The following ALCAM variants were observed in gnomAD, a reference collection of about 807,000 sequenced individuals.
ALCAM encodes the protein activated leukocyte cell adhesion molecule.
Under a neutral mutation model 70.9 loss-of-function variants are expected in ALCAM, and 30 were observed. The ratio of observed to expected loss-of-function variants is 0.42; its 90% confidence interval spans 0.32 to 0.57. ALCAM has a LOEUF of 0.57. Among genes scored for constraint, ALCAM ranks in the 20% least tolerant of loss-of-function variants. The pLI is 0.11. For synonymous variants in ALCAM, 249 were observed against 242.5 expected (o/e 1.03, Z -0.25); for missense variants, 591 against 695.1 (o/e 0.85, Z 1.68).
At chr3:105,569,298 G>A (rs1021456268) in intron 14 of ALCAM, among the ~76,000 whole-genome samples, 1 of 151,820 alleles carries the variant, frequency 6.6e-6, no homozygotes, top group African/African-American at 2.4e-5. Flanking sequence ...ACTGAGAGAA[G>A]ACAAGGGGAA....
intron 1 of ALCAM, among the ~76,000 whole-genome samples, chr3:105,492,153 T>G (rs1430988188): frequency 6.6e-6 from 1 of 152,064 alleles, no homozygotes; most frequent in Non-Finnish European, 1.5e-5. Context: ...GAATAAGAGC[T>G]GAGAAAAGGG....
rs1447506126 is a variant in ALCAM at position 105,532,157 on chromosome 3, T to C, written c.459+91T>C. On this transcript the variant is annotated intron_variant, in intron 4 of 15. Coordinates refer to ENST00000306107, the MANE Select transcript of ALCAM (RefSeq NM_001627.4). ...CATTCCAAGACAAGTAAGAAAGGCT[T>C]TGCTCTTGTGGAGATGACAGTGTTG... 6 of 1,135,302 alleles carry C rather than the reference T, an allele frequency of 5.3e-6. No homozygotes were observed. The East Asian group carries it at 9.4e-5, about 18-fold the overall frequency. The allele number at this position is 1,135,302 out of a possible 1,614,324, so 70.3% of individuals were successfully genotyped here.
Position 105,533,654 on chromosome 3 carries a change from T to A in ALCAM, c.511T>A (p.Tyr171Asn). The A allele has an allele frequency of 6.2e-7, 1 of 1,612,050 alleles. No individual in the cohort carries two copies. The highest frequency in any genetic ancestry group is 8.5e-7 in the Non-Finnish European group (1 of 1,178,574). ...TTATCCAGATGGCAATATCACATGG[T>A]ACAGGAATGGAAAAGTGCTACATCC... ...DSYPDGNITW[Y>N]RNGKVLHPLE... The change falls in exon 5 of 16, where the codon TAC becomes AAC. Residue 171 changes from tyrosine to asparagine, a missense_variant. By Grantham distance (143) the Tyr-to-Asn change is moderately radical. Coordinates refer to ENST00000306107, the MANE Select transcript of ALCAM (RefSeq NM_001627.4).
chr3:105,513,454 AG>A (rs1448072601), intron 1 of ALCAM: 1 of 113,080 alleles, frequency 8.8e-6, no homozygotes, highest in East Asian at 5.5e-4. Flanking sequence ...GACAATTTTA[AG>A]AGGGGACAAT....
chr3:105,435,043 T>C (rs1390232882), intron 1 of ALCAM, among the ~76,000 whole-genome samples: 1 of 152,212 alleles, frequency 6.6e-6, no homozygotes, highest in Non-Finnish European at 1.5e-5. Flanking sequence ...TAATCAATGA[T>C]ATGGCATCAG....
intron 1 of ALCAM, among the ~76,000 whole-genome samples, chr3:105,476,746 C>A (rs140073488): frequency 5.7e-4 from 87 of 152,132 alleles, no homozygotes; most frequent in Non-Finnish European, 1.1e-3. Flanking sequence ...TTTGTTCTTT[C>A]GTTTAGTCTC....
chr3:105,487,187 G>T (rs1938454736), intron 1 of ALCAM, among the ~76,000 whole-genome samples: 1 of 152,004 alleles, frequency 6.6e-6, no homozygotes, highest in Non-Finnish European at 1.5e-5. Context: ...TCTGGGGTCT[G>T]TTGTCATTTT....
intron 1 of ALCAM, among the ~76,000 whole-genome samples, chr3:105,492,561 A>C (rs1938616147): frequency 6.6e-6 from 1 of 152,354 alleles, no homozygotes; most frequent in African/African-American, 2.4e-5. Flanking sequence ...AGATATCATT[A>C]GTCTGTGCTT....
chr3:105,441,103 A>G (rs1343764094), intron 1 of ALCAM, among the ~76,000 whole-genome samples: 1 of 152,182 alleles, frequency 6.6e-6, no homozygotes, highest in Non-Finnish European at 1.5e-5. Context: ...CTACCCATCA[A>G]TCATAATCAC....
At chr3:105,378,538 A>T (rs1475501843) in intron 1 of ALCAM, among the ~76,000 whole-genome samples, 1 of 139,562 alleles carries the variant, frequency 7.2e-6, no homozygotes, top group East Asian at 2.3e-4. Flanking sequence ...ATCAGATCTA[A>T]GAGTAAAATG....
chr3:105,401,465 A>G (rs1472671380), intron 1 of ALCAM, among the ~76,000 whole-genome samples: 1 of 152,212 alleles, frequency 6.6e-6, no homozygotes, highest in Non-Finnish European at 1.5e-5. Flanking sequence ...TGTATTTTCC[A>G]CTAAGCTCAT....
intron 1 of ALCAM, among the ~76,000 whole-genome samples, chr3:105,394,654 A>AT (rs1385910213): frequency 5.9e-5 from 9 of 151,926 alleles, no homozygotes; most frequent in Non-Finnish European, 1.5e-5. Context: ...TCCTGAAAAT[A>AT]TTTTTTTAAT....
intron 1 of ALCAM, among the ~76,000 whole-genome samples, chr3:105,397,875 T>A (rs557800273): frequency 3.3e-4 from 50 of 152,228 alleles, no homozygotes; most frequent in African/African-American, 1.1e-3. Flanking sequence ...AAATCCACTT[T>A]TTAATAAAAG....
intron 1 of ALCAM, among the ~76,000 whole-genome samples, chr3:105,468,768 T>G (rs1454592502): frequency 6.6e-6 from 1 of 151,358 alleles, no homozygotes; most frequent in Non-Finnish European, 1.5e-5. Flanking sequence ...TGAAGTAGCG[T>G]GTCTATATGC....
chr3:105,571,419 G>T (rs917842618), intron 14 of ALCAM, among the ~76,000 whole-genome samples: 1 of 152,166 alleles, frequency 6.6e-6, no homozygotes, highest in South Asian at 2.1e-4. Flanking sequence ...GACATAGGGT[G>T]TTAGCTCAAC....
intron 12 of ALCAM, among the ~76,000 whole-genome samples, chr3:105,550,812 C>T (rs564853294): frequency 4.8e-4 from 72 of 151,450 alleles, no homozygotes; most frequent in Non-Finnish European, 7.2e-4. Context: ...AAACTATAGC[C>T]GAAAATCAGA....
At chr3:105,417,090 G>A (rs1464844792) in intron 1 of ALCAM, among the ~76,000 whole-genome samples, 1 of 151,468 alleles carries the variant, frequency 6.6e-6, no homozygotes, top group Admixed American at 6.6e-5. Flanking sequence ...TCAAGCTTTG[G>A]CTTTTCTGAA....
intron 1 of ALCAM, among the ~76,000 whole-genome samples, chr3:105,397,443 G>T (rs956410442): frequency 2.0e-5 from 3 of 151,406 alleles, no homozygotes; most frequent in Non-Finnish European, 2.9e-5. Context: ...AGTTTAAATG[G>T]GTGACTAAAT....
intron 1 of ALCAM, among the ~76,000 whole-genome samples, chr3:105,418,888 C>T (rs761420513): frequency 6.6e-5 from 10 of 151,660 alleles, no homozygotes; most frequent in African/African-American, 1.7e-4. Flanking sequence ...AACATTTCAC[C>T]GAATTTCTTA....
Sources: allele counts gnomAD v4.1 joint callset (sites outside exome capture counted in the v4.1 genomes callset), GRCh38; gene constraint gnomAD v4.1.1; transcripts MANE v1.5; gene names NCBI Gene and HGNC (gene_info 2026-07-23, HGNC 2026-07-21).